KLHL3: variants seen among roughly 807,000 people sequenced by gnomAD.
KLHL3 encodes the protein kelch-like protein 3.
In KLHL3, 19 loss-of-function variants were observed where a neutral mutation model predicts 70.5. That is an observed-to-expected ratio of 0.27 (90% confidence interval 0.19 to 0.40). The LOEUF is 0.40. KLHL3 is among the 10% of genes least tolerant of loss of function. The probability of loss-of-function intolerance (pLI) is 1.00; values close to 1 mark genes in which losing one functional copy is unlikely to be tolerated. For synonymous variants in KLHL3, 258 were observed against 290.3 expected (o/e 0.89, Z 1.13); for missense variants, 512 against 771.1 (o/e 0.66, Z 3.98).
chr5:137,685,421 TACA>T (rs1354260403), intron 5 of KLHL3, among the ~76,000 whole-genome samples: 1 of 152,216 alleles, frequency 6.6e-6, no homozygotes, highest in Admixed American at 6.5e-5. Flanking sequence ...CAAACAAAAG[TACA>T]ACGAGTACAG....
intron 2 of KLHL3, among the ~76,000 whole-genome samples, chr5:137,717,031 C>A (rs946239378): frequency 6.6e-6 from 1 of 152,208 alleles, no homozygotes; most frequent in South Asian, 2.1e-4. Context: ...CGTTCTCACC[C>A]TTTTAGACAA....
chr5:137,622,005 C>T lies in KLHL3; in HGVS notation c.*93G>A. The T allele has an allele frequency of 1.5e-6, 2 of 1,377,960 alleles. No individual in the cohort carries two copies. The highest frequency in any genetic ancestry group is 2.3e-5 in the South Asian group (2 of 86,114). 85.4% of individuals were successfully genotyped at this position (1,377,960 alleles called of 1,614,324 possible). On this transcript the variant is annotated 3_prime_UTR_variant, in exon 15 of 15. Transcript: ENST00000309755. ...GTTCTCACAGCAGCACAGACCCTCC[C>T]AAGCAAGTTGAATCCAGTCACCAAG...
chr5:137,682,291 CT>C (rs993901703), intron 5 of KLHL3, among the ~76,000 whole-genome samples: 4 of 151,892 alleles, frequency 2.6e-5, no homozygotes, highest in African/African-American at 4.8e-5. Context: ...AACAAATATT[CT>C]GATGAGTATC....
At chr5:137,631,649 C>T (rs1360728734) in intron 12 of KLHL3, among the ~76,000 whole-genome samples, 1 of 152,190 alleles carries the variant, frequency 6.6e-6, no homozygotes, top group Non-Finnish European at 1.5e-5. Flanking sequence ...ACTGGCAGAC[C>T]TCCTTTCTAA....
Position 137,708,666 on chromosome 5 carries a change from C to T in KLHL3, c.241+1084G>A, listed in dbSNP as rs143675238. Among the ~76,000 whole-genome samples, 1,407 of 152,174 alleles carry T rather than the reference C, an allele frequency of 9.2e-3. 24 individuals carry two copies. The highest frequency in any genetic ancestry group is 0.032 in the African/African-American group (1,320 of 41,518). ...AAAAACACATAACAACAAACCAAGACGATTTTCAGATGGTGATAAATGTTA... is the reference window on the plus strand; with the variant it reads ...AAAAACACATAACAACAAACCAAGATGATTTTCAGATGGTGATAAATGTTA... On this transcript the variant is annotated intron_variant, in intron 3 of 14. Coordinates refer to ENST00000309755, the MANE Select transcript of KLHL3 (RefSeq NM_017415.3).
At chr5:137,701,363 A>G (rs1276239118) in intron 3 of KLHL3, among the ~76,000 whole-genome samples, 1 of 152,116 alleles carries the variant, frequency 6.6e-6, no homozygotes, top group Admixed American at 6.6e-5. Flanking sequence ...TGGCATTTCA[A>G]GAGGGATTTA....
chr5:137,670,551 G>A (rs1448944776), intron 6 of KLHL3, among the ~76,000 whole-genome samples: 2 of 151,408 alleles, frequency 1.3e-5, no homozygotes, highest in Non-Finnish European at 2.9e-5. Context: ...ATCCCTTAAA[G>A]GTTCACAAAG....
chr5:137,694,079 G>A (rs1352812374), intron 4 of KLHL3, among the ~76,000 whole-genome samples: 2 of 151,756 alleles, frequency 1.3e-5, no homozygotes, highest in Non-Finnish European at 2.9e-5. Context: ...TGGGACAGTC[G>A]GTCACCCTTC....
chr5:137,628,326 G>T lies in KLHL3; in HGVS notation c.1562C>A (p.Ala521Glu), dbSNP rs1750535420. ...DPGTNTWKQV[A>E]DMNMCRRNAG... is the part of the protein sequence containing the mutation. Reference sequence around the variant, plus strand: ...GTTGCGCCGGCACATGTTCATGTCTGCCACTTGCTTCCAGGTATTTGTTCC... The same window carrying T: ...GTTGCGCCGGCACATGTTCATGTCTTCCACTTGCTTCCAGGTATTTGTTCC... Residue 521 changes from alanine (A) to glutamate (E), a missense_variant, in exon 13 of 15, where the codon GCA becomes GAA. Coordinates refer to ENST00000309755, the MANE Select transcript of KLHL3 (RefSeq NM_017415.3). The T allele has an allele frequency of 2.5e-6, 4 of 1,613,968 alleles. No individual in the cohort carries two copies. The highest frequency in any genetic ancestry group is 2.2e-5 in the South Asian group (2 of 91,084).
At chr5:137,638,212 AC>A (rs1225332899) in intron 10 of KLHL3, among the ~76,000 whole-genome samples, 1 of 152,156 alleles carries the variant, frequency 6.6e-6, no homozygotes, top group African/African-American at 2.4e-5. Context: ...GGGGCTAAAG[AC>A]CCTGGAATTA....
In KLHL3 at chr5:137,735,949, C is replaced by G. The variant is rs567542768; in HGVS notation, c.-303G>C. 2.3e-3 allele frequency: 1,094 copies of G among 481,842 alleles called. 3 individuals carry two copies. The highest frequency in any genetic ancestry group is 2.5e-3 in the Non-Finnish European group (664 of 261,346). The allele number at this position is 481,842 out of a possible 1,614,324, so 29.8% of individuals were successfully genotyped here. A position where few individuals can be genotyped will look rare whatever the true frequency, so the allele number is the denominator to read the frequency against. On this transcript the variant is annotated 5_prime_UTR_variant, in exon 1 of 15. Coordinates refer to ENST00000309755, the MANE Select transcript of KLHL3 (RefSeq NM_017415.3). ...CCCCGCAGGCTTGCTGCTCCTTGGT[C>G]TCCTAGGAACGGCGGCAGCTCCAGC...
intron 8 of KLHL3, among the ~76,000 whole-genome samples, chr5:137,657,383 G>A (rs1481308969): frequency 6.6e-6 from 1 of 152,050 alleles, no homozygotes. Flanking sequence ...CTCCTAAAAC[G>A]ACTACTTTGG....
At chr5:137,677,501 C>G in intron 6 of KLHL3, 44 bp downstream of exon 6, 1 of 1,149,210 alleles carries the variant, frequency 8.7e-7, no homozygotes, top group Non-Finnish European at 1.3e-6. Flanking sequence ...CCCATGACCA[C>G]CTGACGAGTG....
intron 1 of KLHL3, among the ~76,000 whole-genome samples, chr5:137,733,842 G>A (rs370502284): frequency 3.3e-5 from 5 of 152,318 alleles, no homozygotes; most frequent in African/African-American, 1.2e-4. Flanking sequence ...AGGAGTTAGA[G>A]TTCAGAAGAC....
At chr5:137,651,111 ATGAGGGG>A (rs1413198138) in intron 8 of KLHL3, among the ~76,000 whole-genome samples, 1 of 152,214 alleles carries the variant, frequency 6.6e-6, no homozygotes, top group Non-Finnish European at 1.5e-5. Context: ...TCAGGAAAAA[ATGAGGGG>A]TGATATAAAT....
chr5:137,668,326 G>A (rs1331604684), intron 6 of KLHL3, among the ~76,000 whole-genome samples: 1 of 152,112 alleles, frequency 6.6e-6, no homozygotes, highest in Non-Finnish European at 1.5e-5. Flanking sequence ...CAGGAAAATC[G>A]CTTGAACCCA....
At chr5:137,708,040 A>G (rs1334864343) in intron 3 of KLHL3, among the ~76,000 whole-genome samples, 1 of 152,192 alleles carries the variant, frequency 6.6e-6, no homozygotes, top group East Asian at 1.9e-4. Context: ...GAAAGGGGGA[A>G]AAAAGGAAAT....
At chr5:137,707,994 A>G (rs1164623836) in intron 3 of KLHL3, among the ~76,000 whole-genome samples, 2 of 152,200 alleles carry the variant, frequency 1.3e-5, no homozygotes, top group African/African-American at 4.8e-5. Context: ...ACTATTACAG[A>G]CAAGATGAAC....
chr5:137,675,029 T>C (rs1751852855), intron 6 of KLHL3, among the ~76,000 whole-genome samples: 1 of 152,228 alleles, frequency 6.6e-6, no homozygotes. Context: ...CACTATTCTT[T>C]AATAAACCTC....
Sources: gnomAD v4.1 joint callset for allele counts (sites outside exome capture counted in the v4.1 genomes callset) on GRCh38, gnomAD v4.1.1 for gene constraint, MANE v1.5 for transcripts, NCBI Gene and HGNC (gene_info 2026-07-23, HGNC 2026-07-21) for gene names.